The following SEMA4D variants were observed in gnomAD, a reference collection of about 807,000 sequenced individuals.
SEMA4D encodes semaphorin 4D, also known as semaphorin-4D.
In SEMA4D, 22 loss-of-function variants were observed where a neutral mutation model predicts 74.8. The ratio of observed to expected loss-of-function variants is 0.29; its 90% CI spans 0.21 to 0.42. The LOEUF (loss-of-function observed/expected upper bound fraction) is 0.42. SEMA4D is among the 10% of genes least tolerant of loss of function. The probability of loss-of-function intolerance (pLI) is 1.00; values close to 1 mark genes in which losing one functional copy is unlikely to be tolerated. For missense variants in SEMA4D, 937 were observed against 1,118.4 expected, an observed-to-expected ratio of 0.84 and a Z score of 2.31; for synonymous variants, 445 against 463.7, an observed-to-expected ratio of 0.96 and a Z score of 0.52.
At chr9:89,421,962 C>T (rs887299016) in intron 2 of SEMA4D, among the ~76,000 whole-genome samples, 7 of 152,128 alleles carry the variant, frequency 4.6e-5, no homozygotes, top group Admixed American at 2.6e-4. Flanking sequence ...TAGAACTATT[C>T]GAATTCCTTC....
chr9:89,423,314 C>A (rs544604108), intron 2 of SEMA4D, among the ~76,000 whole-genome samples: 6 of 152,192 alleles, frequency 3.9e-5, no homozygotes, highest in Non-Finnish European at 5.9e-5. Context: ...GCCTCAGCCT[C>A]CCAAGTAGTT....
Position 89,378,778 on chromosome 9 carries a change from G to A in SEMA4D, c.2515C>T (p.Leu839Phe). The A allele has an allele frequency of 6.2e-7, 1 of 1,614,190 alleles. No homozygotes were observed. The highest frequency in any genetic ancestry group is 2.2e-5 in the East Asian group (1 of 44,878). The change falls in exon 16 of 16, where the codon CTT (leucine) becomes TTT (phenylalanine). Residue 839 changes from leucine (L) to phenylalanine (F), a missense_variant. Transcript: ENST00000422704. Reference protein sequence around the residue: ...DREDSQRIDDLSARDKPFDVK... With the variant: ...DREDSQRIDDFSARDKPFDVK... ...TCAAAGGGCTTGTCCCTGGCAGAAA[G>A]GTCGTCGATCCTCTGTGAGTCCTCC...
intron 2 of SEMA4D, among the ~76,000 whole-genome samples, chr9:89,438,470 T>G (rs367927750): frequency 6.6e-5 from 10 of 152,318 alleles, no homozygotes; most frequent in Admixed American, 3.9e-4. Context: ...ACGACAGAGC[T>G]GGGGTCATGC....
downstream of SEMA4D, among the ~76,000 whole-genome samples, chr9:89,375,352 C>T (rs1835646772): frequency 1.3e-5 from 2 of 152,184 alleles, no homozygotes; most frequent in Admixed American, 1.3e-4. Context: ...TGGTCCGTAG[C>T]ACCCAGTGGA....
At chr9:89,460,082 C>T (rs1856861958) in intron 1 of SEMA4D, among the ~76,000 whole-genome samples, 1 of 152,232 alleles carries the variant, frequency 6.6e-6, no homozygotes, top group African/African-American at 2.4e-5. Flanking sequence ...CCAACGCCTG[C>T]TCTGTGCCTC....
chr9:89,404,402 C>G (rs1413314771), intron 3 of SEMA4D, among the ~76,000 whole-genome samples: 1 of 152,190 alleles, frequency 6.6e-6, no homozygotes, highest in Non-Finnish European at 1.5e-5. Flanking sequence ...TGCTGAGTAT[C>G]TACAGTTGTC....
chr9:89,381,042 A>G lies in SEMA4D; in HGVS notation c.1663+13T>C. ...CACTCCCAAAGGAAATGGGACGTCG[A>G]GGAGTCACTCACCCGGGCACACAGA... On this transcript the variant is annotated intron_variant, in intron 15 of 15. Transcript: ENST00000422704. This position sits in a 1 kb window ranked among gnomAD's most constrained non-coding sequence, Gnocchi z 4.6. 1 of 1,614,098 alleles carries G rather than the reference A, an allele frequency of 6.2e-7. No homozygotes were observed. Among genetic ancestry groups the G allele is most frequent in the Non-Finnish European group, 8.5e-7 (1 of 1,180,040 alleles).
chr9:89,462,462 T>C (rs1186757824), intron 1 of SEMA4D, among the ~76,000 whole-genome samples: 1 of 152,218 alleles, frequency 6.6e-6, no homozygotes, highest in African/African-American at 2.4e-5. Context: ...GGCAACCGGC[T>C]GATAAAATGT....
chr9:89,480,575 T>C (rs1022395029), intron 1 of SEMA4D, among the ~76,000 whole-genome samples: 9 of 152,202 alleles, frequency 5.9e-5, no homozygotes, highest in Admixed American at 1.3e-4. Flanking sequence ...GGGAAGGCAG[T>C]CAAGGCCCGG....
intron 1 of SEMA4D, among the ~76,000 whole-genome samples, chr9:89,460,953 C>T (rs767581276): frequency 7.9e-5 from 12 of 152,182 alleles, no homozygotes; most frequent in Non-Finnish European, 1.6e-4. Context: ...CCCCACACCC[C>T]GCAGCAGAGA....
chr9:89,360,908 T>C (rs1273491527), exon 19 of SEMA4D: 1 of 152,204 alleles, frequency 6.6e-6, no homozygotes, highest in Non-Finnish European at 1.5e-5. Flanking sequence ...AAGTATGTAA[T>C]TATTTTGTTA....
rs1463727832 is a variant in SEMA4D, at chr9:89,475,551, C to T, written c.-309-19598G>A. Among the ~76,000 whole-genome samples, 5 of 152,196 alleles carry T rather than the reference C, an allele frequency of 3.3e-5. No individual in the cohort carries two copies. In the East Asian group the frequency reaches 9.6e-4, roughly 29 times the overall value. On this transcript the variant is annotated intron_variant, in intron 1 of 15. Transcript: ENST00000422704. ...TCATTCATTCACTCCAACACTGCAC[C>T]TGATGGAAAAGAAAGAGAAGAGCCA...
At chr9:89,408,259 C>T (rs910183966) in intron 2 of SEMA4D, among the ~76,000 whole-genome samples, 1 of 152,226 alleles carries the variant, frequency 6.6e-6, no homozygotes, top group Non-Finnish European at 1.5e-5. Context: ...ACAAACAAGT[C>T]CTGGCCCCAC....
intron 7 of SEMA4D, 72 bp downstream of exon 7, chr9:89,393,490 C>A: frequency 1.5e-6 from 2 of 1,299,610 alleles, no homozygotes; most frequent in Non-Finnish European, 2.2e-6. Flanking sequence ...AGAGAAGATC[C>A]AAATATCCTG....
At chr9:89,384,744 G>C (rs866651106) in intron 13 of SEMA4D, 2 of 985,340 alleles carry the variant, frequency 2.0e-6, no homozygotes, top group South Asian at 9.4e-5. Flanking sequence ...TGTAGGACAG[G>C]GGGAGGGCGT....
chr9:89,450,197 T>C (rs1372272741), intron 2 of SEMA4D: 5 of 1,279,816 alleles, frequency 3.9e-6, no homozygotes, highest in African/African-American at 3.0e-5. Context: ...AGAAGGACCA[T>C]GAAAAAGCTG....
At chr9:89,429,298 C>A (rs969110239) in intron 2 of SEMA4D, among the ~76,000 whole-genome samples, 1 of 152,226 alleles carries the variant, frequency 6.6e-6, no homozygotes, top group African/African-American at 2.4e-5. Context: ...CCAAAGCAGA[C>A]GACATCTAGG....
In SEMA4D at chr9:89,381,073, C is replaced by T. The variant is rs150298124; in HGVS notation, c.1645G>A (p.Asp549Asn). The T allele has an allele frequency of 3.8e-5, 61 of 1,614,016 alleles. No homozygotes were observed. Among genetic ancestry groups the T allele is most frequent in the South Asian group, 1.3e-4 (12 of 91,094 alleles). The change falls in exon 15 of 16, where the codon GAT becomes AAT. Residue 549 changes from aspartate to asparagine, a missense_variant. Asp to Asn is a conservative substitution (Grantham distance 23, BLOSUM62 1). Coordinates refer to ENST00000422704, the MANE Select transcript of SEMA4D (RefSeq NM_001371194.2). This position sits in a 1 kb window ranked among gnomAD's most constrained non-coding sequence, Gnocchi z 4.6. ...CACTCACCCGGGCACACAGAAGCATCGCCGCTCATCTCCTGAATCAAACCC... is the reference window on the plus strand; with the variant it reads ...CACTCACCCGGGCACACAGAAGCATTGCCGCTCATCTCCTGAATCAAACCC... ...SRGLIQEMSG[D>N]ASVCPDKSKG... is the part of the protein sequence containing the mutation.
rs1200775486 is a variant in SEMA4D, at chr9:89,405,488, C to T, written c.-32G>A. The T allele has an allele frequency of 6.2e-7, 1 of 1,610,244 alleles. No individual in the cohort carries two copies. The highest frequency in any genetic ancestry group is 1.7e-5 in the Admixed American group (1 of 59,948). On this transcript the variant is annotated 5_prime_UTR_variant, in exon 3 of 16. Transcript: ENST00000422704. ...GAGGCGACCCCAGGGGCTTCAGCAG[C>T]AAAGGCTCACGGCAGCAGGTGGCCG... is the stretch of plus-strand genomic sequence containing the variant.
Sources: allele counts gnomAD v4.1 joint callset (sites outside exome capture counted in the v4.1 genomes callset), GRCh38; gene constraint gnomAD v4.1.1; non-coding constraint Gnocchi (gnomAD v3.1); transcripts MANE v1.5; gene names NCBI Gene and HGNC (gene_info 2026-07-23, HGNC 2026-07-21).